The following PCDH9 variants were observed in gnomAD, a reference collection of about 807,000 sequenced individuals.
PCDH9 encodes protocadherin 9.
Under a neutral mutation model 70.6 loss-of-function variants are expected in PCDH9, and 24 were observed. The observed-to-expected ratio is 0.34, with a 90% CI of 0.25 to 0.48. PCDH9 has a LOEUF of 0.48. PCDH9 is among the 20% of genes least tolerant of loss of function. The pLI is 0.99. For synonymous variants in PCDH9, 562 were observed against 558.5 expected, an observed-to-expected ratio of 1.01 and a Z score of -0.09; for missense variants, 1,281 against 1,503.6, an observed-to-expected ratio of 0.85 and a Z score of 2.45.
At chr13:66,662,151 C>G (rs2078018233) in intron 3 of PCDH9, among the ~76,000 whole-genome samples, 1 of 151,926 alleles carries the variant, frequency 6.6e-6, no homozygotes, top group Admixed American at 6.6e-5. Flanking sequence ...AAACAAATAT[C>G]AAGTATATCA....
At chr13:66,416,098 T>C (rs1261894549) in intron 4 of PCDH9, among the ~76,000 whole-genome samples, 2 of 152,172 alleles carry the variant, frequency 1.3e-5, no homozygotes, top group Admixed American at 1.3e-4. Context: ...AAACTGTTTT[T>C]GTAGATTTTG....
At chr13:67,035,554 A>G in intron 2 of PCDH9, among the ~76,000 whole-genome samples, 1 of 149,456 alleles carries the variant, frequency 6.7e-6, no homozygotes, top group South Asian at 2.1e-4. Context: ...AGAAATAAAT[A>G]TATAATTATA....
At chr13:66,440,216 G>A (rs117644293) in intron 4 of PCDH9, among the ~76,000 whole-genome samples, 3,447 of 152,126 alleles carry the variant, frequency 0.023, 66 homozygotes, top group Non-Finnish European at 0.036. Flanking sequence ...ACAATTCTAC[G>A]GAAACATTTT....
At chr13:67,100,028 T>G (rs1179928037) in intron 2 of PCDH9, among the ~76,000 whole-genome samples, 2 of 152,034 alleles carry the variant, frequency 1.3e-5, no homozygotes, top group Non-Finnish European at 2.9e-5. Flanking sequence ...TAAAAGAAAA[T>G]AAAAGAAAAC....
chr13:66,374,011 T>C (rs1956705021), intron 4 of PCDH9, among the ~76,000 whole-genome samples: 1 of 152,094 alleles, frequency 6.6e-6, no homozygotes, highest in African/African-American at 2.4e-5. Context: ...GCCGACCTCC[T>C]TGATGGGTTT....
chr13:66,832,681 T>C (rs1305994236), intron 3 of PCDH9, among the ~76,000 whole-genome samples: 1 of 152,122 alleles, frequency 6.6e-6, no homozygotes, highest in Non-Finnish European at 1.5e-5. Context: ...TTCCCAAATA[T>C]TCAATAAAAC....
At chr13:67,167,465 C>G (rs1459214154) in intron 2 of PCDH9, among the ~76,000 whole-genome samples, 1 of 152,098 alleles carries the variant, frequency 6.6e-6, no homozygotes, top group African/African-American at 2.4e-5. Context: ...TCAAATTACT[C>G]TTTTATTGGG....
chr13:66,475,271 G>C (rs1314272328), intron 4 of PCDH9, among the ~76,000 whole-genome samples: 2 of 152,032 alleles, frequency 1.3e-5, no homozygotes, highest in Non-Finnish European at 2.9e-5. Flanking sequence ...CACACTTGCT[G>C]GCACATAGTA....
intron 2 of PCDH9, chr13:67,214,999 A>G (rs1223590745): frequency 7.6e-6 from 1 of 131,374 alleles, no homozygotes; most frequent in East Asian, 2.3e-4. Flanking sequence ...ACAACTTTAT[A>G]TGGATTTGGC....
chr13:66,923,338 T>C (rs1002677388), intron 2 of PCDH9, among the ~76,000 whole-genome samples: 4 of 151,698 alleles, frequency 2.6e-5, no homozygotes, highest in Non-Finnish European at 5.9e-5. Flanking sequence ...GATCATCTTC[T>C]AGTTGTATAC....
intron 3 of PCDH9, among the ~76,000 whole-genome samples, chr13:66,723,319 A>G (rs2078966029): frequency 6.6e-6 from 1 of 152,288 alleles, no homozygotes; most frequent in Middle Eastern, 3.4e-3. Context: ...GTTTCCATAT[A>G]TAACATCTTA....
chr13:66,788,365 T>C (rs778061361), intron 3 of PCDH9, among the ~76,000 whole-genome samples: 6 of 152,192 alleles, frequency 3.9e-5, no homozygotes, highest in Non-Finnish European at 7.3e-5. Flanking sequence ...TCAAAGGGGA[T>C]ACATTCAAAC....
chr13:66,601,330 A>G (rs2077162735), intron 4 of PCDH9, among the ~76,000 whole-genome samples: 1 of 146,188 alleles, frequency 6.8e-6, no homozygotes. Context: ...TTGCTCTATT[A>G]TTTAAAATAC....
chr13:66,327,739 A>G (rs1301343627), intron 4 of PCDH9, among the ~76,000 whole-genome samples: 1 of 152,212 alleles, frequency 6.6e-6, no homozygotes, highest in East Asian at 1.9e-4. Flanking sequence ...CTGATGCATT[A>G]TGAGGCTATT....
intron 3 of PCDH9, among the ~76,000 whole-genome samples, chr13:66,798,847 ACT>A (rs2080285315): frequency 6.6e-6 from 1 of 151,750 alleles, no homozygotes; most frequent in African/African-American, 2.4e-5. Context: ...ACACAGTCTC[ACT>A]CTGTCAGTTA....
chr13:66,632,316 A>T (rs537585391), intron 3 of PCDH9, among the ~76,000 whole-genome samples: 4 of 152,346 alleles, frequency 2.6e-5, no homozygotes, highest in African/African-American at 9.6e-5. Flanking sequence ...GCTGTGCTAA[A>T]ATTAGTATTT....
At chr13:66,560,433 T>G (rs957611005) in intron 4 of PCDH9, among the ~76,000 whole-genome samples, 1 of 150,986 alleles carries the variant, frequency 6.6e-6, no homozygotes, top group Non-Finnish European at 1.5e-5. Context: ...CTGGACCTTG[T>G]GCACTCTTGC....
At chr13:67,070,072 T>C (rs1381188727) in intron 2 of PCDH9, among the ~76,000 whole-genome samples, 3 of 139,512 alleles carry the variant, frequency 2.2e-5, no homozygotes, top group Non-Finnish European at 4.8e-5. Flanking sequence ...ATTATTAATA[T>C]AAAAATATAT....
At chr13:66,402,403 T>C (rs537483561) in intron 4 of PCDH9, among the ~76,000 whole-genome samples, 1 of 152,156 alleles carries the variant, frequency 6.6e-6, no homozygotes, top group Admixed American at 6.6e-5. Flanking sequence ...GCATAAGAAA[T>C]ATGTTTAACA....
Sources: gnomAD v4.1 joint callset for allele counts (sites outside exome capture counted in the v4.1 genomes callset) on GRCh38, gnomAD v4.1.1 for gene constraint, MANE v1.5 for transcripts, NCBI Gene and HGNC (gene_info 2026-07-23, HGNC 2026-07-21) for gene names.